The following NLRC5 variants were observed in gnomAD, a reference collection of about 807,000 sequenced individuals.
The protein encoded by NLRC5 is protein NLRC5.
A neutral mutation model predicts 206.9 loss-of-function variants in NLRC5; 114 were observed. That is an observed-to-expected ratio of 0.55 (90% confidence interval 0.47 to 0.64). The LOEUF is 0.64. NLRC5 is among the 30% of genes least tolerant of loss of function. The pLI is 0.00. For missense variants in NLRC5, 2,008 were observed against 2,305.5 expected (o/e 0.87, Z 2.64); for synonymous variants, 952 against 962.8 (o/e 0.99, Z 0.21).
chr16:57,026,311 C>G lies in NLRC5; in HGVS notation c.1368C>G (p.Ser456=). The G allele has an allele frequency of 6.2e-7, 1 of 1,614,064 alleles. No individual in the cohort carries two copies. The highest frequency in any genetic ancestry group is 8.5e-7 in the Non-Finnish European group (1 of 1,180,052). Residue 456 remains serine (S), a synonymous_variant, in exon 6 of 49, where the codon TCC becomes TCG. Coordinates refer to ENST00000688547, the MANE Select transcript of NLRC5 (RefSeq NM_001384950.1). The part of the protein sequence containing the change: ...LSPPGHLPTS[S]LLDLGEVALR... ...CCCCTGGGCACTTGCCCACCTCGTC[C>G]CTACTGGACCTGGGGGAGGTGGCCC...
intron 23 of NLRC5, chr16:57,048,184 A>C (rs962371153): frequency 6.5e-6 from 1 of 153,320 alleles, no homozygotes; most frequent in African/African-American, 2.4e-5. Context: ...TGATTCTATT[A>C]TAGTAATTAC....
In NLRC5 at chr16:57,026,921, C is replaced by A. The variant is rs1380274823; in HGVS notation, c.1978C>A (p.His660Asn). The change falls in exon 6 of 49, where the codon CAC becomes AAC. Residue 660 changes from histidine (H) to asparagine (N), a missense_variant. Transcript: ENST00000688547. ...DLATLTNILE[H>N]REAPIHLDFD... ...GGCCACCCTGACCAACATCCTAGAG[C>A]ACAGGGAGGCCCCCATCCACCTGGA... 6.2e-7 allele frequency: 1 copy of A among 1,614,076 alleles called. No homozygotes were observed. Among genetic ancestry groups the A allele is most frequent in the African/African-American group, 1.3e-5 (1 of 74,944 alleles).
At chr16:57,054,093 T>C (rs2144366972) in intron 24 of NLRC5, among the ~76,000 whole-genome samples, 1 of 152,232 alleles carries the variant, frequency 6.6e-6, no homozygotes, top group African/African-American at 2.4e-5. Flanking sequence ...CATCTCACTT[T>C]CTCTAAGGCA....
At chr16:57,077,491 T>C in intron 41 of NLRC5, 112 bp downstream of exon 41, 2 of 1,106,836 alleles carry the variant, frequency 1.8e-6, no homozygotes, top group Non-Finnish European at 2.6e-6. Flanking sequence ...CCAACCTCAG[T>C]GTCCAGGCAG....
At position 57,028,404 on chromosome 16, in the gene NLRC5, G is replaced by C; in HGVS notation, c.2243+19G>C. 6.3e-7 allele frequency: 1 copy of C among 1,599,384 alleles called. No homozygotes were observed. ...AAGTCAGGTGAGTGATCTCCAGGAG[G>C]GCTCACTGACTGGGGAGATGAGCCA... is the stretch of plus-strand genomic sequence containing the variant. On this transcript the variant is annotated intron_variant, in intron 8 of 48. Coordinates refer to ENST00000688547, the MANE Select transcript of NLRC5 (RefSeq NM_001384950.1).
chr16:57,051,653 C>T (rs747597277), intron 24 of NLRC5, 32 bp downstream of exon 24: 4 of 1,562,144 alleles, frequency 2.6e-6, no homozygotes, highest in East Asian at 2.2e-5. Flanking sequence ...TTTCCCGGTT[C>T]CTTGTGCTCG....
Position 57,065,185 on chromosome 16 carries a change from C to T in NLRC5, c.4155-27C>T, listed in dbSNP as rs1288948817. The T allele has an allele frequency of 4.8e-6, 7 of 1,456,620 alleles. No individual in the cohort carries two copies. In the African/African-American group the frequency reaches 7.2e-5, roughly 15 times the overall value. 90.2% of individuals were successfully genotyped at this position (1,456,620 alleles called of 1,614,324 possible). ...TTGTCTGCTGCTCACCTTGGGGGGG[C>T]CTTATCTGTGTCCCCTTCTGTGACA... On this transcript the variant is annotated intron_variant, in intron 32 of 48. Transcript: ENST00000688547.
intron 1 of NLRC5, chr16:56,990,828 C>A (rs1253607837): frequency 6.6e-6 from 1 of 152,072 alleles, no homozygotes; most frequent in Non-Finnish European, 1.5e-5. Flanking sequence ...GTATCTGATG[C>A]TTTTCAGGTG....
rs749728072 is a variant in NLRC5, at chr16:57,028,160, G to A, written c.2159+5G>A. The A allele has an allele frequency of 6.2e-7, 1 of 1,612,362 alleles. No individual in the cohort carries two copies. The highest frequency in any genetic ancestry group is 8.5e-7 in the Non-Finnish European group (1 of 1,178,818). On this transcript the variant is annotated splice_donor_5th_base_variant and intron_variant, in intron 7 of 48. Coordinates refer to ENST00000688547, the MANE Select transcript of NLRC5 (RefSeq NM_001384950.1). ...GGGGAGGCTGCAGATGCTGGGGTGAGCCAGGCCTTGGAGCTGAGAAGGGTC... is the reference window on the plus strand; with the variant it reads ...GGGGAGGCTGCAGATGCTGGGGTGAACCAGGCCTTGGAGCTGAGAAGGGTC...
Position 57,026,579 on chromosome 16 carries a change from C to T in NLRC5, c.1636C>T (p.Arg546Cys), listed in dbSNP as rs1205824043. Reference protein sequence around the residue: ...TLTQYVTLHSRWVQRTKARLG... With the variant: ...TLTQYVTLHSCWVQRTKARLG... ...TACCCAGTATGTTACCCTCCATTCC[C>T]GCTGGGTACAGCGGACCAAAGCTAG... The change falls in exon 6 of 49, where the codon CGC becomes TGC. Residue 546 changes from arginine (R) to cysteine (C), a missense_variant. By Grantham distance (180) the Arg-to-Cys change is radical. Transcript: ENST00000688547. 3.1e-6 allele frequency: 5 copies of T among 1,614,228 alleles called. No homozygotes were observed. Among genetic ancestry groups the T allele is most frequent in the South Asian group, 2.2e-5 (2 of 91,088 alleles).
rs1323062315 is a variant in NLRC5 at position 57,059,011 on chromosome 16, C to T, written c.3870C>T (p.Tyr1290=). ...HNSISQESAL[Y]LLETLPSCPR... ...GCATTTCTCAGGAAAGTGCCCTGTA[C>T]CTGCTGGAGACACTGCCCTCCTGCC... The change falls in exon 29 of 49, where the codon TAC becomes TAT. Residue 1290 remains tyrosine (Y), a synonymous_variant. Transcript: ENST00000688547. 6.2e-7 allele frequency: 1 copy of T among 1,614,056 alleles called. No homozygotes were observed. The highest frequency in any genetic ancestry group is 8.5e-7 in the Non-Finnish European group (1 of 1,180,028).
At chr16:56,997,823 C>T (rs762051209) in intron 1 of NLRC5, among the ~76,000 whole-genome samples, 3 of 152,144 alleles carry the variant, frequency 2.0e-5, no homozygotes, top group Admixed American at 6.6e-5. Flanking sequence ...TCAAGCGATC[C>T]TCCTGCTTCA....
Position 57,067,739 on chromosome 16 carries a change from G to A in NLRC5, c.4410G>A (p.Leu1470=), listed in dbSNP as rs2067224540. The change falls in exon 36 of 49, where the codon TTG becomes TTA. Residue 1470 remains leucine (L), a synonymous_variant. Coordinates refer to ENST00000688547, the MANE Select transcript of NLRC5 (RefSeq NM_001384950.1). ...GAATATCCTTGGACCTTTTCAGCTT[G>A]TCTCAGGTTAACCTCTGTGAGGACG... ...ETCARLQQLS[L]SQVNLCEDDD... 1.2e-6 allele frequency: 2 copies of A among 1,613,892 alleles called. No homozygotes were observed. Among genetic ancestry groups the A allele is most frequent in the African/African-American group, 1.3e-5 (1 of 74,936 alleles).
intron 16 of NLRC5, among the ~76,000 whole-genome samples, chr16:57,040,278 C>T (rs1376140692): frequency 1.3e-5 from 2 of 152,212 alleles, no homozygotes; most frequent in Non-Finnish European, 2.9e-5. Context: ...GCTCTTTGCT[C>T]CCGGAGCCCA....
intron 28 of NLRC5, chr16:57,058,496 T>G: frequency 2.9e-6 from 1 of 347,684 alleles, no homozygotes; most frequent in Non-Finnish European, 5.4e-6. Context: ...GTCCATCCCG[T>G]CCCTGAAATT....
chr16:57,010,315 G>A (rs1234168674), intron 1 of NLRC5, among the ~76,000 whole-genome samples: 2 of 152,148 alleles, frequency 1.3e-5, no homozygotes, highest in African/African-American at 2.4e-5. Context: ...TATCACACAT[G>A]CATAAATGTT....
chr16:57,027,111 A>G (rs2061336656), intron 6 of NLRC5, 93 bp downstream of exon 6: 2 of 1,418,012 alleles, frequency 1.4e-6, no homozygotes, highest in Non-Finnish European at 9.5e-7. Context: ...AGAGGACTGG[A>G]TAAGAATCTT....
chr16:57,034,154 CA>C lies in NLRC5; in HGVS notation c.2544-13del, dbSNP rs1291275786. On this transcript the variant is annotated splice_polypyrimidine_tract_variant and intron_variant, in intron 12 of 48. Transcript: ENST00000688547. ...GTTTGCCCTGAGCCCTTCTGTCCCC[CA>C]CTCCTACCCAAGGCTGCAGAAGTGT... The C allele has an allele frequency of 1.2e-6, 2 of 1,612,340 alleles. No individual in the cohort carries two copies. Among genetic ancestry groups the C allele is most frequent in the Non-Finnish European group, 1.7e-6 (2 of 1,178,664 alleles).
chr16:57,021,732 C>A (rs2060691686), intron 3 of NLRC5, among the ~76,000 whole-genome samples: 1 of 152,162 alleles, frequency 6.6e-6, no homozygotes, highest in South Asian at 2.1e-4. Context: ...CGGGGAGCGC[C>A]TTCTGCCCTC....
Sources: gnomAD v4.1 joint callset for allele counts (sites outside exome capture counted in the v4.1 genomes callset) on GRCh38, gnomAD v4.1.1 for gene constraint, MANE v1.5 for transcripts, NCBI Gene and HGNC (gene_info 2026-07-23, HGNC 2026-07-21) for gene names.